DPP10: variants seen among roughly 807,000 people sequenced by gnomAD.
The protein encoded by DPP10 is dipeptidyl peptidase like 10, also known as inactive dipeptidyl peptidase 10.
Under a neutral mutation model 120.9 loss-of-function variants are expected in DPP10, and 33 were observed. The ratio of observed to expected loss-of-function variants is 0.27; its 90% confidence interval spans 0.21 to 0.37. The LOEUF (loss-of-function observed/expected upper bound fraction) is 0.37. Ranked by LOEUF, DPP10 falls within the 10% of genes least tolerant of loss-of-function variation. The pLI, the probability that DPP10 is intolerant of heterozygous loss-of-function variation, is 1.00. For missense variants in DPP10, 816 were observed against 942.8 expected, an observed-to-expected ratio of 0.87 and a Z score of 1.76; for synonymous variants, 337 against 326.1, an observed-to-expected ratio of 1.03 and a Z score of -0.36.
At position 115,204,984 on chromosome 2, in the gene DPP10, G is replaced by T. The variant is rs560278690; in HGVS notation, c.61-104255G>T. 2.6e-5 allele frequency among the ~76,000 whole-genome samples: 4 copies of T among 152,192 alleles called. No homozygotes were observed. The South Asian group carries it at 8.3e-4, about 32-fold the overall frequency. ...TTGTTTAAGTATCTTATACATTCCAGATATTAGATCTTTGTTGGCTGCATG... is the reference window on the plus strand; with the variant it reads ...TTGTTTAAGTATCTTATACATTCCATATATTAGATCTTTGTTGGCTGCATG... On this transcript the variant is annotated intron_variant, in intron 1 of 25. Transcript: ENST00000410059.
At chr2:115,248,429 C>G (rs2058625836) in intron 1 of DPP10, among the ~76,000 whole-genome samples, 2 of 151,866 alleles carry the variant, frequency 1.3e-5, no homozygotes, top group South Asian at 4.1e-4. Context: ...TAAGGGGCCT[C>G]TCTGACTATG....
intron 3 of DPP10, among the ~76,000 whole-genome samples, chr2:115,392,036 C>A (rs981970180): frequency 6.6e-6 from 1 of 152,142 alleles, no homozygotes; most frequent in African/African-American, 2.4e-5. Context: ...AATAAGTTCT[C>A]ATCTTCTCAT....
chr2:115,479,263 A>G (rs1464964642), intron 3 of DPP10, among the ~76,000 whole-genome samples: 1 of 152,108 alleles, frequency 6.6e-6, no homozygotes, highest in Non-Finnish European at 1.5e-5. Flanking sequence ...TACAACATGG[A>G]TGAACCCTCT....
intron 1 of DPP10, among the ~76,000 whole-genome samples, chr2:115,174,237 A>T (rs572749571): frequency 6.6e-6 from 1 of 152,334 alleles, no homozygotes; most frequent in South Asian, 2.1e-4. Flanking sequence ...ATCAGACATG[A>T]AGATCTATAA....
rs183550339 is a variant in DPP10 at position 114,880,308 on chromosome 2, C to T, written c.61-428931C>T. Among the ~76,000 whole-genome samples the T allele has an allele frequency of 1.7e-3, 259 of 152,232 alleles. 1 individual carries two copies. The highest frequency in any genetic ancestry group is 2.4e-3 in the Non-Finnish European group (160 of 68,008). On this transcript the variant is annotated intron_variant, in intron 1 of 25. Transcript: ENST00000410059. ...ATTGCCTCATTAACAAATTTGGCAACGCTACAGTGACAGTAATCACATTTT... is the reference window on the plus strand; with the variant it reads ...ATTGCCTCATTAACAAATTTGGCAATGCTACAGTGACAGTAATCACATTTT...
At chr2:115,687,921 G>C (rs2149491957) in intron 5 of DPP10, among the ~76,000 whole-genome samples, 1 of 151,782 alleles carries the variant, frequency 6.6e-6, no homozygotes, top group South Asian at 2.1e-4. Flanking sequence ...CTCAAAGATA[G>C]GATGAATACC....
At position 115,489,369 on chromosome 2, in the gene DPP10, A is replaced by G. The variant is rs185181843; in HGVS notation, c.272-10141A>G. On this transcript the variant is annotated intron_variant, in intron 3 of 25. Transcript: ENST00000410059. ...AGACCAAACAGACTCTCTCTTGGCC[A>G]AGAGGACCCCAGAAAAACCTGAAAA... 3.4e-3 allele frequency among the ~76,000 whole-genome samples: 523 copies of G among 151,984 alleles called. 2 individuals carry two copies. Among genetic ancestry groups the G allele is most frequent in the African/African-American group, 0.012 (487 of 41,432 alleles).
intron 1 of DPP10, among the ~76,000 whole-genome samples, chr2:115,174,773 C>G (rs1324050943): frequency 6.6e-6 from 1 of 152,172 alleles, no homozygotes; most frequent in Non-Finnish European, 1.5e-5. Context: ...ATGTCACAGC[C>G]AACTTCTTAA....
chr2:115,073,889 C>A (rs1035235457), intron 1 of DPP10, among the ~76,000 whole-genome samples: 12 of 152,164 alleles, frequency 7.9e-5, no homozygotes, highest in African/African-American at 2.9e-4. Context: ...CATTTGTGCT[C>A]CTTATAAAAT....
At chr2:115,660,338 A>G (rs557926161) in intron 5 of DPP10, among the ~76,000 whole-genome samples, 12 of 152,276 alleles carry the variant, frequency 7.9e-5, no homozygotes, top group Middle Eastern at 3.4e-3. Flanking sequence ...TCACATTGCT[A>G]TGACCATTCC....
intron 1 of DPP10, among the ~76,000 whole-genome samples, chr2:115,042,468 G>A: frequency 6.6e-6 from 1 of 151,832 alleles, no homozygotes; most frequent in Non-Finnish European, 1.5e-5. Flanking sequence ...GTTTTGCCAT[G>A]TTGGCGAGGC....
At chr2:115,515,832 T>G (rs1298989932) in intron 4 of DPP10, among the ~76,000 whole-genome samples, 1 of 151,974 alleles carries the variant, frequency 6.6e-6, no homozygotes, top group East Asian at 1.9e-4. Flanking sequence ...CCTATAAGAG[T>G]TGGAAATATT....
intron 1 of DPP10, among the ~76,000 whole-genome samples, chr2:114,456,137 A>T (rs746196954): frequency 3.9e-5 from 6 of 152,206 alleles, no homozygotes; most frequent in Non-Finnish European, 8.8e-5. Context: ...TGTATTACTA[A>T]TGGAGACTGT....
At chr2:115,373,434 A>G (rs1202300483) in intron 3 of DPP10, among the ~76,000 whole-genome samples, 3 of 152,146 alleles carry the variant, frequency 2.0e-5, no homozygotes, top group Non-Finnish European at 2.9e-5. Flanking sequence ...AGTCTTTTCT[A>G]TTAAGATTAT....
intron 4 of DPP10, among the ~76,000 whole-genome samples, chr2:115,523,396 CAAAAAAAAAAAAAA>C (rs67633094): frequency 2.9e-5 from 2 of 69,168 alleles, no homozygotes; most frequent in African/African-American, 5.9e-5. Context: ...GAGAAGCTCT[CAAAAAAAAAAAAAA>C]AAAAAAAAAA....
At chr2:114,798,559 C>T (rs1420207962) in intron 1 of DPP10, among the ~76,000 whole-genome samples, 3 of 152,102 alleles carry the variant, frequency 2.0e-5, no homozygotes, top group African/African-American at 4.8e-5. Context: ...GAAGGCTGCA[C>T]ATCTTATGAT....
intron 1 of DPP10, among the ~76,000 whole-genome samples, chr2:114,614,608 G>A (rs1209082146): frequency 1.3e-5 from 2 of 152,042 alleles, no homozygotes; most frequent in Non-Finnish European, 2.9e-5. Flanking sequence ...TTTATTGCCC[G>A]CCTAATTAGT....
chr2:115,238,610 G>C (rs896585083), intron 1 of DPP10, among the ~76,000 whole-genome samples: 2 of 152,146 alleles, frequency 1.3e-5, no homozygotes, highest in Non-Finnish European at 2.9e-5. Flanking sequence ...ATTAGAAGTG[G>C]AGTCTCCAGA....
chr2:115,713,587 T>C (rs1357181307), intron 7 of DPP10, among the ~76,000 whole-genome samples: 5 of 152,166 alleles, frequency 3.3e-5, no homozygotes, highest in Admixed American at 1.3e-4. Flanking sequence ...ATGGGATTCA[T>C]TGAAGCTCCT....
Sources: allele counts gnomAD v4.1 joint callset (sites outside exome capture counted in the v4.1 genomes callset), GRCh38; gene constraint gnomAD v4.1.1; transcripts MANE v1.5; gene names NCBI Gene and HGNC (gene_info 2026-07-23, HGNC 2026-07-21).